CCBE1: variants seen among roughly 807,000 people sequenced by gnomAD.
CCBE1 encodes the protein collagen and calcium binding EGF domains 1, also known as collagen and calcium-binding EGF domain-containing protein 1.
A neutral mutation model predicts 50.0 loss-of-function variants in CCBE1; 37 were observed. The ratio of observed to expected loss-of-function variants is 0.74; its 90% CI spans 0.57 to 0.97. The LOEUF is 0.97. CCBE1 is among the 50% of genes least tolerant of loss of function. CCBE1 has a pLI of 0.00. For missense variants in CCBE1, 538 were observed against 523.8 expected, an observed-to-expected ratio of 1.03 and a Z score of -0.26; for synonymous variants, 234 against 203.7, an observed-to-expected ratio of 1.15 and a Z score of -1.27.
chr18:59,454,786 C>T, intron 6 of CCBE1, 65 bp downstream of exon 6: 1 of 1,266,916 alleles, frequency 7.9e-7, no homozygotes, highest in South Asian at 1.2e-5. Flanking sequence ...AAATATCCTT[C>T]CACCTGGCCT....
At chr18:59,660,724 C>T (rs892689787) in intron 2 of CCBE1, among the ~76,000 whole-genome samples, 1 of 151,542 alleles carries the variant, frequency 6.6e-6, no homozygotes, top group Non-Finnish European at 1.5e-5. Flanking sequence ...AAGCCCAACA[C>T]GTATTTTTTT....
chr18:59,452,652 A>G (rs569737277), intron 6 of CCBE1, among the ~76,000 whole-genome samples: 2 of 152,296 alleles, frequency 1.3e-5, no homozygotes, highest in East Asian at 1.9e-4. Flanking sequence ...AGGAGTAGAA[A>G]TGAGAGGACC....
At position 59,678,676 on chromosome 18, in the gene CCBE1, G is replaced by A. The variant is rs1051428537; in HGVS notation, c.212+17953C>T. ...GCCTCCTGAGTAACAGGGATTACAG[G>A]TGCCCACCACCACACTCAGCTAACT... On this transcript the variant is annotated intron_variant, in intron 2 of 10. Coordinates refer to ENST00000439986, the MANE Select transcript of CCBE1 (RefSeq NM_133459.4). 5.4e-5 allele frequency among the ~76,000 whole-genome samples: 8 copies of A among 149,144 alleles called. No homozygotes were observed. The East Asian group carries it at 1.4e-3, about 26-fold the overall frequency.
intron 5 of CCBE1, among the ~76,000 whole-genome samples, chr18:59,456,172 G>A (rs75330236): frequency 0.014 from 2,183 of 151,822 alleles, 54 homozygotes; most frequent in African/African-American, 0.049. Flanking sequence ...AGGCCTCCCT[G>A]GAGAGCATCT....
intron 2 of CCBE1, among the ~76,000 whole-genome samples, chr18:59,567,095 G>C (rs2144472152): frequency 6.6e-6 from 1 of 152,210 alleles, no homozygotes; most frequent in African/African-American, 2.4e-5. Flanking sequence ...TTTATTGAAA[G>C]AGGTTTTAAA....
chr18:59,598,054 G>A (rs2053380591), intron 2 of CCBE1, among the ~76,000 whole-genome samples: 1 of 151,654 alleles, frequency 6.6e-6, no homozygotes, highest in Admixed American at 6.6e-5. Flanking sequence ...TGGAGGTTAG[G>A]AACATTGGTG....
intron 3 of CCBE1, among the ~76,000 whole-genome samples, chr18:59,477,224 A>C (rs1043588464): frequency 6.6e-6 from 1 of 152,234 alleles, no homozygotes; most frequent in African/African-American, 2.4e-5. Context: ...GAATGTCTGG[A>C]ACACCAGAAA....
At chr18:59,470,555 G>A (rs1167301682) in intron 3 of CCBE1, among the ~76,000 whole-genome samples, 2 of 152,128 alleles carry the variant, frequency 1.3e-5, no homozygotes, top group African/African-American at 4.8e-5. Flanking sequence ...GAGTTTGAAT[G>A]GCTAGAGGTC....
chr18:59,480,696 G>A (rs1269226856), intron 2 of CCBE1, among the ~76,000 whole-genome samples: 2 of 151,496 alleles, frequency 1.3e-5, no homozygotes, highest in Non-Finnish European at 2.9e-5. Context: ...CAATAATTAG[G>A]TAGTCAACTA....
chr18:59,457,840 G>A (rs1021749385), intron 5 of CCBE1, among the ~76,000 whole-genome samples: 1 of 152,168 alleles, frequency 6.6e-6, no homozygotes, highest in African/African-American at 2.4e-5. Flanking sequence ...GAATACTCCT[G>A]AGAACCAGAA....
intron 2 of CCBE1, among the ~76,000 whole-genome samples, chr18:59,498,116 G>T (rs1464823911): frequency 6.6e-6 from 1 of 152,120 alleles, no homozygotes; most frequent in East Asian, 1.9e-4. Context: ...ATCTCCTCAC[G>T]TTCTAACTCC....
chr18:59,623,927 G>A (rs1163352316), intron 2 of CCBE1, among the ~76,000 whole-genome samples: 2 of 152,168 alleles, frequency 1.3e-5, no homozygotes, highest in African/African-American at 2.4e-5. Flanking sequence ...CTGTCAAAAT[G>A]AATTGTGTGG....
intron 2 of CCBE1, among the ~76,000 whole-genome samples, chr18:59,492,234 G>A (rs1418762094): frequency 6.6e-6 from 1 of 150,680 alleles, no homozygotes; most frequent in African/African-American, 2.4e-5. Context: ...TTAAAATATT[G>A]CCTTCTATTT....
intron 2 of CCBE1, among the ~76,000 whole-genome samples, chr18:59,629,697 C>G (rs1307131075): frequency 1.3e-5 from 2 of 152,200 alleles, no homozygotes; most frequent in East Asian, 3.8e-4. Flanking sequence ...GCATAGTATT[C>G]TCGAGTAGTC....
At chr18:59,592,747 T>C (rs1296093409) in intron 2 of CCBE1, among the ~76,000 whole-genome samples, 1 of 152,152 alleles carries the variant, frequency 6.6e-6, no homozygotes, top group East Asian at 1.9e-4. Flanking sequence ...CTTCTCCATA[T>C]AGTTTTGTTT....
chr18:59,447,073 C>T (rs922061809), intron 7 of CCBE1, among the ~76,000 whole-genome samples: 12 of 152,006 alleles, frequency 7.9e-5, no homozygotes, highest in African/African-American at 2.4e-4. Flanking sequence ...TGTATATTTC[C>T]TGATGAAATG....
chr18:59,443,679 G>A (rs1390716751), intron 7 of CCBE1, among the ~76,000 whole-genome samples: 1 of 152,028 alleles, frequency 6.6e-6, no homozygotes, highest in Non-Finnish European at 1.5e-5. Flanking sequence ...ATGTTGGCCA[G>A]GCTAGTCTTG....
Position 59,431,091 on chromosome 18 carries a change from T to C in CCBE1, c.*4817A>G, listed in dbSNP as rs1909932531. ...GCTACTCCAGTATATGACTAGTCACTGTGAAATAAAAACAGACCCACGGCA... is the reference window on the plus strand; with the variant it reads ...GCTACTCCAGTATATGACTAGTCACCGTGAAATAAAAACAGACCCACGGCA... On this transcript the variant is annotated 3_prime_UTR_variant, in exon 11 of 11. Transcript: ENST00000439986. 1 of 152,224 alleles carries C rather than the reference T, an allele frequency of 6.6e-6. No individual in the cohort carries two copies. The highest frequency in any genetic ancestry group is 1.5e-5 in the Non-Finnish European group (1 of 68,040). The allele number at this position is 152,224 out of a possible 1,614,324, so 9.4% of individuals were successfully genotyped here.
intron 2 of CCBE1, among the ~76,000 whole-genome samples, chr18:59,540,735 C>T (rs1915434363): frequency 1.3e-5 from 2 of 152,152 alleles, no homozygotes; most frequent in Non-Finnish European, 2.9e-5. Flanking sequence ...ACAGACATGC[C>T]CTTTATTTCC....
Sources: gnomAD v4.1 joint callset for allele counts (sites outside exome capture counted in the v4.1 genomes callset) on GRCh38, gnomAD v4.1.1 for gene constraint, MANE v1.5 for transcripts, NCBI Gene and HGNC (gene_info 2026-07-23, HGNC 2026-07-21) for gene names.